The following HPS1 variants were observed in gnomAD, a reference collection of about 807,000 sequenced individuals.
HPS1 encodes the protein HPS1 biogenesis of lysosomal organelles complex 3 subunit 1.
HPS1 carries 59 observed loss-of-function variants against 90.6 expected under a neutral mutation model. The observed-to-expected ratio is 0.65, with a 90% CI of 0.53 to 0.81. HPS1 has a LOEUF of 0.81. Ranked by LOEUF, HPS1 falls within the 30% of genes least tolerant of loss-of-function variation. The pLI is 0.00. For missense variants in HPS1, 849 were observed against 896.7 expected, an observed-to-expected ratio of 0.95 and a Z score of 0.68; for synonymous variants, 388 against 384.4, an observed-to-expected ratio of 1.01 and a Z score of -0.11.
chr10:98,424,408 G>C, intron 13 of HPS1, 34 bp from the exon 14 acceptor site: 1 of 1,590,088 alleles, frequency 6.3e-7, no homozygotes, highest in Non-Finnish European at 8.6e-7. Context: ...TTTGCATCCC[G>C]ACCATATTTC....
At chr10:98,415,847 A>G (rs530513873), downstream of HPS1, among the ~76,000 whole-genome samples, 37 of 152,364 alleles carry the variant, frequency 2.4e-4, no homozygotes, top group South Asian at 7.7e-3. Flanking sequence ...AGGCCTGGCC[A>G]GTTCTCCTCT....
In HPS1 at chr10:98,424,329, G is replaced by A. The variant is rs764460454; in HGVS notation, c.1381C>T (p.Pro461Ser). Reference sequence around the variant, plus strand: ...ACCACTCACTCCCAGGAGGATCCGGGCTCACTTTTGGAGAAAGCCTTGGCC... The same window carrying A: ...ACCACTCACTCCCAGGAGGATCCGGACTCACTTTTGGAGAAAGCCTTGGCC... ...FKAKAFSKSE[P>S]GSSWELLQAC... The change falls in exon 14 of 20, where the codon CCC (proline) becomes TCC (serine). Residue 461 changes from proline (P) to serine (S), a missense_variant. Transcript: ENST00000361490. 9.9e-6 allele frequency: 16 copies of A among 1,612,584 alleles called. No individual in the cohort carries two copies. The highest frequency in any genetic ancestry group is 4.5e-5 in the East Asian group (2 of 44,886).
rs1591002133 is a variant in HPS1 at position 98,417,487 on chromosome 10, G to A, written c.*77C>T. The A allele has an allele frequency of 3.8e-6, 5 of 1,326,804 alleles. No individual in the cohort carries two copies. The highest frequency in any genetic ancestry group is 5.2e-6 in the Non-Finnish European group (5 of 955,752). The allele number at this position is 1,326,804 out of a possible 1,614,324, so 82.2% of individuals were successfully genotyped here. A position where few individuals can be genotyped will look rare whatever the true frequency, so the allele number is the denominator to read the frequency against. ...TCAGGATGGCCACTGCAGACAGGAG[G>A]CTCTCGTCATGGGGAACAGTGGCAA... On this transcript the variant is annotated 3_prime_UTR_variant, in exon 20 of 20. Transcript: ENST00000361490. This position sits in a 1 kb window ranked among gnomAD's most constrained non-coding sequence, Gnocchi z 4.2.
chr10:98,429,765 G>C (rs1227226680), intron 9 of HPS1, 26 bp downstream of exon 9: 3 of 1,613,536 alleles, frequency 1.9e-6, no homozygotes, highest in Non-Finnish European at 2.5e-6. Context: ...TCCTGCCCCT[G>C]ACTCCACGAA....
intron 3 of HPS1, 55 bp downstream of exon 3, chr10:98,443,069 T>C (rs910190762): frequency 1.8e-5 from 23 of 1,253,866 alleles, no homozygotes; most frequent in Admixed American, 1.0e-4. Context: ...CTGCTGGGAG[T>C]TTTGTATGGT....
chr10:98,415,306 T>A, downstream of HPS1: 1 of 894,828 alleles, frequency 1.1e-6, no homozygotes, highest in Non-Finnish European at 1.6e-6. Context: ...CCTGCTGCCC[T>A]GGGGCTGTGC....
In HPS1 at chr10:98,435,399, A is replaced by G; in HGVS notation, c.271T>C (p.Phe91Leu). The G allele has an allele frequency of 6.2e-7, 1 of 1,613,918 alleles. No individual in the cohort carries two copies. Among genetic ancestry groups the G allele is most frequent in the Non-Finnish European group, 8.5e-7 (1 of 1,180,018 alleles). Residue 91 changes from phenylalanine (F) to leucine (L), a missense_variant, in exon 5 of 20, where the codon TTC becomes CTC. Physicochemically the swap from Phe to Leu is conservative, Grantham distance 22. Transcript: ENST00000361490. The surrounding 1 kb of genome is among the most constrained non-coding windows in gnomAD (Gnocchi z 4.3). ...GTGTGGTCACCATTGATGGCAATGA[A>G]CAGGCATTCTCCAAACTGCAGGCAC... ...YVLHLFGECL[F>L]IAINGDHTES... is the part of the protein sequence containing the mutation.
chr10:98,440,339 A>G (rs940317910), intron 3 of HPS1, among the ~76,000 whole-genome samples: 4 of 152,206 alleles, frequency 2.6e-5, no homozygotes, highest in Non-Finnish European at 5.9e-5. Context: ...TTTAAGCACA[A>G]ATGTTTCTTA....
chr10:98,426,119 T>C (rs1845574053), intron 11 of HPS1, 134 bp from the exon 12 acceptor site: 5 of 746,112 alleles, frequency 6.7e-6, no homozygotes, highest in Non-Finnish European at 1.1e-5. Flanking sequence ...TCCTGCACTC[T>C]GCTGAACCTG....
At chr10:98,428,643 C>T (rs1321520722) in intron 10 of HPS1, among the ~76,000 whole-genome samples, 2 of 151,546 alleles carry the variant, frequency 1.3e-5, no homozygotes, top group Non-Finnish European at 2.9e-5. Flanking sequence ...GTTTCTCCTC[C>T]TGAAACCCTG....
At position 98,425,558 on chromosome 10, in the gene HPS1, C is replaced by G. The variant is rs1451970101; in HGVS notation, c.1318G>C (p.Gly440Arg). The change falls in exon 13 of 20, where the codon GGG becomes CGG. Residue 440 changes from glycine (G) to arginine (R), a missense_variant. By Grantham distance (125) the Gly-to-Arg change is moderately radical. Coordinates refer to ENST00000361490, the MANE Select transcript of HPS1 (RefSeq NM_000195.5). ...GGTCTCACCTGAATCTCCTGTGCCC[C>G]TCGATTCTTGACAAACTTGTCCATC... ...QRMDKFVKNR[G>R]AQEIQSTWLE... The G allele has an allele frequency of 1.2e-6, 2 of 1,612,110 alleles. No individual in the cohort carries two copies. Among genetic ancestry groups the G allele is most frequent in the Middle Eastern group, 1.7e-4 (1 of 6,030 alleles).
chr10:98,414,979 G>C, downstream of HPS1: 1 of 1,608,166 alleles, frequency 6.2e-7, no homozygotes, highest in Non-Finnish European at 8.5e-7. Flanking sequence ...CCGCCCCTCA[G>C]CTCTGGCCCG....
intron 17 of HPS1, among the ~76,000 whole-genome samples, chr10:98,420,813 T>C (rs1001997861): frequency 4.6e-5 from 7 of 152,020 alleles, no homozygotes; most frequent in African/African-American, 1.7e-4. Flanking sequence ...GAGAACAAGG[T>C]GTGGTCTCCT....
intron 10 of HPS1, among the ~76,000 whole-genome samples, chr10:98,428,187 A>G (rs74154470): frequency 0.044 from 6,759 of 152,298 alleles, 362 homozygotes; most frequent in African/African-American, 0.12. Context: ...CAGTGAGTTC[A>G]CACACAGTCT....
intron 17 of HPS1, 135 bp downstream of exon 17, chr10:98,422,234 C>T (rs1386193711): frequency 5.7e-6 from 5 of 882,892 alleles, no homozygotes; most frequent in African/African-American, 3.3e-5. Flanking sequence ...TTTATTTATG[C>T]CGGCACTGGC....
chr10:98,422,680 C>A (rs532724130), intron 16 of HPS1, among the ~76,000 whole-genome samples, 167 bp from the exon 17 acceptor site: 1 of 152,324 alleles, frequency 6.6e-6, no homozygotes, highest in East Asian at 1.9e-4. Flanking sequence ...CTCAGATCCC[C>A]CACTACCTCC....
At chr10:98,446,518 G>A (rs1043131284) in intron 1 of HPS1, among the ~76,000 whole-genome samples, 1 of 152,210 alleles carries the variant, frequency 6.6e-6, no homozygotes, top group Non-Finnish European at 1.5e-5. Flanking sequence ...CACCTTCGGA[G>A]CCCGGCCCTG....
At chr10:98,439,520 G>A (rs967885273) in intron 3 of HPS1, among the ~76,000 whole-genome samples, 1 of 152,202 alleles carries the variant, frequency 6.6e-6, no homozygotes, top group African/African-American at 2.4e-5. Context: ...CATGGGTCCT[G>A]TAGCCCCATA....
rs993952393 is a variant in HPS1 at position 98,435,974 on chromosome 10, G to A, written c.118-202C>T. On this transcript the variant is annotated intron_variant, in intron 3 of 19. Coordinates refer to ENST00000361490, the MANE Select transcript of HPS1 (RefSeq NM_000195.5). This position sits in a 1 kb window ranked among gnomAD's most constrained non-coding sequence, Gnocchi z 4.3. Reference sequence around the variant, plus strand: ...TGGTTAGGAAGAATGGGGAGGGCCAGCTGGGTAATGGTGCTGTTTAGGCTC... The same window carrying A: ...TGGTTAGGAAGAATGGGGAGGGCCAACTGGGTAATGGTGCTGTTTAGGCTC... Among the ~76,000 whole-genome samples the A allele has an allele frequency of 1.3e-5, 2 of 152,222 alleles. No homozygotes were observed. The highest frequency in any genetic ancestry group is 2.9e-5 in the Non-Finnish European group (2 of 68,026).
Sources: allele counts gnomAD v4.1 joint callset (sites outside exome capture counted in the v4.1 genomes callset), GRCh38; gene constraint gnomAD v4.1.1; non-coding constraint Gnocchi (gnomAD v3.1); transcripts MANE v1.5; gene names NCBI Gene and HGNC (gene_info 2026-07-23, HGNC 2026-07-21).